The following PRKN variants were observed in gnomAD, a reference collection of about 807,000 sequenced individuals.
PRKN encodes the protein E3 ubiquitin-protein ligase parkin.
PRKN carries 56 observed loss-of-function variants against 59.5 expected under a neutral mutation model. The ratio of observed to expected loss-of-function variants is 0.94; its 90% confidence interval spans 0.76 to 1.18. The LOEUF (loss-of-function observed/expected upper bound fraction) is 1.18, where lower values mean the gene tolerates loss of function less well. Among genes scored for constraint, PRKN ranks in the 50% most tolerant of loss-of-function variants. The pLI, the probability that PRKN is intolerant of heterozygous loss-of-function variation, is 0.00. For synonymous variants in PRKN, 250 were observed against 222.1 expected (o/e 1.13, Z -1.12); for missense variants, 657 against 596.4 (o/e 1.10, Z -1.06).
intron 5 of PRKN, among the ~76,000 whole-genome samples, chr6:162,043,416 A>C (rs756359324): frequency 6.6e-6 from 1 of 152,216 alleles, no homozygotes; most frequent in Non-Finnish European, 1.5e-5. Flanking sequence ...TCAGTTTTGA[A>C]AGCCAAGGAA....
intron 9 of PRKN, among the ~76,000 whole-genome samples, chr6:161,534,642 T>C (rs1779347640): frequency 6.6e-6 from 1 of 152,372 alleles, no homozygotes; most frequent in East Asian, 1.9e-4. Context: ...CTGTTTCGCA[T>C]AGACATGTCT....
At chr6:162,716,304 C>G (rs774906531) in intron 1 of PRKN, among the ~76,000 whole-genome samples, 54 of 152,316 alleles carry the variant, frequency 3.5e-4, no homozygotes, top group Middle Eastern at 3.4e-3. Flanking sequence ...AAATTCTATG[C>G]TGACATCTGT....
chr6:161,989,468 C>A (rs1781561308), intron 5 of PRKN, among the ~76,000 whole-genome samples: 1 of 152,116 alleles, frequency 6.6e-6, no homozygotes, highest in East Asian at 1.9e-4. Context: ...GATTGCAGGG[C>A]CTGTCAACAG....
At chr6:161,540,244 T>C (rs528466333) in intron 9 of PRKN, among the ~76,000 whole-genome samples, 2 of 152,234 alleles carry the variant, frequency 1.3e-5, no homozygotes, top group Non-Finnish European at 2.9e-5. Flanking sequence ...GTTTTTGAGA[T>C]TGACACATGG....
intron 5 of PRKN, among the ~76,000 whole-genome samples, chr6:161,996,508 G>T (rs754231806): frequency 5.3e-5 from 8 of 151,992 alleles, no homozygotes; most frequent in Non-Finnish European, 1.2e-4. Context: ...AATCTCTAAT[G>T]GTATTCCAAA....
chr6:161,711,256 G>A (rs1370630104), intron 7 of PRKN, among the ~76,000 whole-genome samples: 1 of 152,052 alleles, frequency 6.6e-6, no homozygotes, highest in East Asian at 1.9e-4. Flanking sequence ...TGGAAGAAAG[G>A]GAAATACATA....
chr6:161,398,337 T>A (rs1375787058), intron 9 of PRKN, among the ~76,000 whole-genome samples: 7 of 152,092 alleles, frequency 4.6e-5, no homozygotes, highest in Admixed American at 3.3e-4. Context: ...TAAATTCACA[T>A]CACAGCACTG....
intron 6 of PRKN, among the ~76,000 whole-genome samples, chr6:161,949,979 G>C (rs1779926759): frequency 6.6e-6 from 1 of 152,204 alleles, no homozygotes. Flanking sequence ...GTAAAAGGAA[G>C]GTGGGAGATT....
At chr6:162,723,480 G>A (rs1779012339) in intron 1 of PRKN, among the ~76,000 whole-genome samples, 1 of 152,144 alleles carries the variant, frequency 6.6e-6, no homozygotes, top group Non-Finnish European at 1.5e-5. Flanking sequence ...AGAGGTGGGG[G>A]ACCGGAGATC....
intron 2 of PRKN, among the ~76,000 whole-genome samples, chr6:162,415,005 T>C (rs777860785): frequency 6.6e-6 from 1 of 152,132 alleles, no homozygotes; most frequent in Non-Finnish European, 1.5e-5. Flanking sequence ...AAGGAACAGT[T>C]AAAATTTTCA....
At chr6:162,181,992 C>A (rs761287840) in intron 4 of PRKN, among the ~76,000 whole-genome samples, 1 of 152,156 alleles carries the variant, frequency 6.6e-6, no homozygotes, top group Non-Finnish European at 1.5e-5. Context: ...TCCCAGAATA[C>A]GTACAAACAT....
chr6:162,661,909 G>C (rs1414347821), intron 1 of PRKN, among the ~76,000 whole-genome samples: 1 of 152,092 alleles, frequency 6.6e-6, no homozygotes, highest in Non-Finnish European at 1.5e-5. Flanking sequence ...CTGGGCTTTT[G>C]ATGTATTCAT....
chr6:161,751,642 T>C (rs4709550), intron 7 of PRKN, among the ~76,000 whole-genome samples: 152,346 of 152,358 alleles, frequency 1, 76,167 homozygotes, highest in Non-Finnish European at 1. Context: ...TGTTGTGCTC[T>C]TACTCTGTGG....
At chr6:161,634,547 C>T (rs1326541344) in intron 7 of PRKN, among the ~76,000 whole-genome samples, 1 of 152,180 alleles carries the variant, frequency 6.6e-6, no homozygotes, top group East Asian at 1.9e-4. Flanking sequence ...CAATAGCACT[C>T]TTACTTTCTA....
intron 2 of PRKN, among the ~76,000 whole-genome samples, chr6:162,440,583 C>A (rs1255064458): frequency 6.6e-6 from 1 of 152,056 alleles, no homozygotes; most frequent in Non-Finnish European, 1.5e-5. Flanking sequence ...TCTCATTTTG[C>A]ATGATAAGCT....
At chr6:162,688,053 T>C (rs1474248388) in intron 1 of PRKN, among the ~76,000 whole-genome samples, 1 of 152,204 alleles carries the variant, frequency 6.6e-6, no homozygotes, top group East Asian at 1.9e-4. Flanking sequence ...TTTAGAATTA[T>C]TCTGCTCACA....
At chr6:162,299,258 G>A (rs935369184) in intron 2 of PRKN, among the ~76,000 whole-genome samples, 20 of 152,148 alleles carry the variant, frequency 1.3e-4, no homozygotes, top group Non-Finnish European at 2.5e-4. Context: ...GTGAGCTCCC[G>A]ACTTAGATTC....
chr6:162,319,150 A>C (rs1583370596), intron 2 of PRKN, among the ~76,000 whole-genome samples: 1 of 152,132 alleles, frequency 6.6e-6, no homozygotes, highest in African/African-American at 2.4e-5. Flanking sequence ...CGAAATAAGA[A>C]ACAAACATAT....
chr6:162,215,132 G>A (rs1407347681), intron 3 of PRKN, among the ~76,000 whole-genome samples: 4 of 152,066 alleles, frequency 2.6e-5, no homozygotes, highest in African/African-American at 7.2e-5. Flanking sequence ...CTACATTTGA[G>A]TTGCATCATT....
Sources: gnomAD v4.1 joint callset for allele counts (sites outside exome capture counted in the v4.1 genomes callset) on GRCh38, gnomAD v4.1.1 for gene constraint, MANE v1.5 for transcripts, NCBI Gene and HGNC (gene_info 2026-07-23, HGNC 2026-07-21) for gene names.